The following TSNARE1 variants were observed in gnomAD, a reference collection of about 807,000 sequenced individuals.
TSNARE1 encodes the protein t-SNARE domain-containing protein 1.
A neutral mutation model predicts 62.0 loss-of-function variants in TSNARE1; 49 were observed. That is an observed-to-expected ratio of 0.79 (90% CI 0.63 to 1.00). The LOEUF (loss-of-function observed/expected upper bound fraction) is 1.00. Ranked by LOEUF, TSNARE1 falls within the 50% of genes least tolerant of loss-of-function variation. The pLI is 0.00. For synonymous variants in TSNARE1, 328 were observed against 294.4 expected, an observed-to-expected ratio of 1.11 and a Z score of -1.17; for missense variants, 755 against 700.1, an observed-to-expected ratio of 1.08 and a Z score of -0.88.
intron 10 of TSNARE1, among the ~76,000 whole-genome samples, chr8:142,289,406 C>A (rs1823370644): frequency 6.6e-6 from 1 of 152,220 alleles, no homozygotes; most frequent in Non-Finnish European, 1.5e-5. Flanking sequence ...GGGCCCCTCC[C>A]TGCTCCCCAG....
chr8:142,226,948 G>A (rs1381075893), intron 13 of TSNARE1, among the ~76,000 whole-genome samples: 1 of 150,622 alleles, frequency 6.6e-6, no homozygotes, highest in African/African-American at 2.5e-5. Flanking sequence ...GTGACAGCCA[G>A]GACCACCACT....
Position 142,367,163 on chromosome 8 carries a change from CTG to C in TSNARE1, c.-39-12402_-39-12401del, listed in dbSNP as rs1406119175. On this transcript the variant is annotated intron_variant, in intron 1 of 13. Transcript: ENST00000524325. ...TATCCCTTGTTCTTGAATAGAATGA[CTG>C]TATCACAAAGACGTCAGTTTTCCTA... Among the ~76,000 whole-genome samples the C allele has an allele frequency of 7.9e-5, 12 of 152,300 alleles. No individual in the cohort carries two copies. In the East Asian group the frequency reaches 1.3e-3, roughly 17 times the overall value.
At chr8:142,243,636 T>C (rs758294384) in intron 12 of TSNARE1, among the ~76,000 whole-genome samples, 2 of 152,092 alleles carry the variant, frequency 1.3e-5, no homozygotes, top group Non-Finnish European at 2.9e-5. Flanking sequence ...GGTTAAACGG[T>C]ACAAGGTTTC....
chr8:142,297,326 G>A (rs372973993), intron 10 of TSNARE1, among the ~76,000 whole-genome samples: 13 of 152,320 alleles, frequency 8.5e-5, no homozygotes, highest in African/African-American at 1.4e-4. Flanking sequence ...AGAGCAAGGC[G>A]GAAAGTGGGC....
At chr8:142,300,682 T>A (rs1451410912) in intron 9 of TSNARE1, 38 bp from the exon 10 acceptor site, 3 of 1,582,026 alleles carry the variant, frequency 1.9e-6, no homozygotes, top group Admixed American at 1.7e-5. Context: ...CACTGACCCC[T>A]CCCATTACCA....
intron 2 of TSNARE1, 75 bp from the exon 3 acceptor site, chr8:142,345,967 GA>G: frequency 2.0e-6 from 3 of 1,524,054 alleles, no homozygotes; most frequent in Admixed American, 1.9e-5. Flanking sequence ...CCCATGCACG[GA>G]CAGCAGACAC....
chr8:142,349,300 A>G (rs1395001426), intron 2 of TSNARE1, among the ~76,000 whole-genome samples: 1 of 152,244 alleles, frequency 6.6e-6, no homozygotes, highest in Non-Finnish European at 1.5e-5. Flanking sequence ...AAAGTTAAAG[A>G]TATTTAGAAC....
intron 12 of TSNARE1, among the ~76,000 whole-genome samples, chr8:142,258,194 A>C (rs1563784474): frequency 6.6e-6 from 1 of 152,334 alleles, no homozygotes; most frequent in East Asian, 1.9e-4. Context: ...GTGTGCACAC[A>C]CAGTACACGA....
chr8:142,359,128 C>A (rs1449520730), intron 1 of TSNARE1, among the ~76,000 whole-genome samples: 2 of 152,116 alleles, frequency 1.3e-5, no homozygotes, highest in East Asian at 3.9e-4. Flanking sequence ...TGCCCCTGCT[C>A]CTCCACCCCG....
At position 142,364,329 on chromosome 8, in the gene TSNARE1, G is replaced by C. The variant is rs139961339; in HGVS notation, c.-39-9566C>G. Among the ~76,000 whole-genome samples the C allele has an allele frequency of 3.0e-3, 454 of 152,346 alleles. 1 individual carries two copies. Among genetic ancestry groups the C allele is most frequent in the Non-Finnish European group, 3.0e-3 (204 of 68,034 alleles). The stretch of plus-strand genomic sequence containing the variant: ...AGCAGTGGTACTCGATTAGAACTTG[G>C]AGGAGTCAGCGTGAATTCATAGTTT... On this transcript the variant is annotated intron_variant, in intron 1 of 13. Coordinates refer to ENST00000524325, the MANE Select transcript of TSNARE1 (RefSeq NM_145003.5).
At chr8:142,275,780 T>A (rs966205670) in intron 11 of TSNARE1, 4 of 985,144 alleles carry the variant, frequency 4.1e-6, no homozygotes, top group Admixed American at 6.2e-5. Context: ...TGAGCTGACT[T>A]GAGCCTCAGG....
At chr8:142,356,252 C>T (rs796427411) in intron 1 of TSNARE1, among the ~76,000 whole-genome samples, 2 of 152,196 alleles carry the variant, frequency 1.3e-5, no homozygotes, top group Non-Finnish European at 2.9e-5. Context: ...CCCGGCCCCA[C>T]GCAGAGAGGC....
chr8:142,359,912 C>A (rs978483534), intron 1 of TSNARE1, among the ~76,000 whole-genome samples: 1 of 152,226 alleles, frequency 6.6e-6, no homozygotes, highest in African/African-American at 2.4e-5. Context: ...AGCTGCCCTG[C>A]CAGGAGGAGG....
intron 13 of TSNARE1, among the ~76,000 whole-genome samples, chr8:142,215,122 C>T (rs561028480): frequency 6.6e-6 from 1 of 152,330 alleles, no homozygotes; most frequent in Admixed American, 6.5e-5. Flanking sequence ...CGGGCCCAGG[C>T]CAGGGCCCGC....
intron 10 of TSNARE1, among the ~76,000 whole-genome samples, chr8:142,289,170 G>A (rs1232062911): frequency 6.6e-6 from 1 of 152,206 alleles, no homozygotes; most frequent in East Asian, 1.9e-4. Flanking sequence ...TCACTGATAA[G>A]TGAACATCAT....
rs1823831578 is a variant in TSNARE1, at chr8:142,291,931, C to T, written c.1291-7446G>A. Among the ~76,000 whole-genome samples, 3 of 151,980 alleles carry T rather than the reference C, an allele frequency of 2.0e-5. No individual in the cohort carries two copies. In the South Asian group the frequency reaches 6.2e-4, roughly 32 times the overall value. On this transcript the variant is annotated intron_variant, in intron 10 of 13. Transcript: ENST00000524325. The surrounding 1 kb of genome is among the most constrained non-coding windows in gnomAD (Gnocchi z 4.8). ...TCCATTGGGAGTACGGGGTCAGCTG[C>T]CTCTCCCGTGGACGGTCACAGCAAC...
chr8:142,406,238 A>T (rs1485930638), upstream of TSNARE1: 4 of 152,268 alleles, frequency 2.6e-5, no homozygotes. Context: ...CCATGGGGAG[A>T]ACAAGCCCCT....
At chr8:142,227,672 G>GC (rs1816906115) in intron 13 of TSNARE1, among the ~76,000 whole-genome samples, 1 of 152,240 alleles carries the variant, frequency 6.6e-6, no homozygotes, top group South Asian at 2.1e-4. Context: ...ACACACAGAA[G>GC]CCCTGCTGTT....
intron 12 of TSNARE1, chr8:142,272,927 A>G (rs1819844245): frequency 1.0e-6 from 1 of 985,288 alleles, no homozygotes; most frequent in East Asian, 1.1e-4. Flanking sequence ...AGGACATTCT[A>G]TGCAGAGGCA....
Sources: gnomAD v4.1 joint callset for allele counts (sites outside exome capture counted in the v4.1 genomes callset) on GRCh38, gnomAD v4.1.1 for gene constraint, Gnocchi (gnomAD v3.1) non-coding constraint, MANE v1.5 for transcripts, NCBI Gene and HGNC (gene_info 2026-07-23, HGNC 2026-07-21) for gene names.